Variants in PCDH8 observed in about 807,000 individuals in gnomAD.
The protein encoded by PCDH8 is protocadherin-8.
PCDH8 carries 36 observed loss-of-function variants against 58.2 expected under a neutral mutation model. That is an observed-to-expected ratio of 0.62 (90% CI 0.47 to 0.82). The LOEUF (loss-of-function observed/expected upper bound fraction) is 0.82. PCDH8 is among the 40% of genes least tolerant of loss of function. PCDH8 has a pLI of 0.00. For missense variants in PCDH8, 1,493 were observed against 1,567.8 expected (o/e 0.95, Z 0.81); for synonymous variants, 775 against 728.9 (o/e 1.06, Z -1.02).
At position 52,848,287 on chromosome 13, in the gene PCDH8, G is replaced by C. The variant is rs746381982; in HGVS notation, c.150C>G (p.Ala50=). The change falls in exon 1 of 3, where the codon GCC becomes GCG. Residue 50 remains alanine (A), a synonymous_variant. Coordinates refer to ENST00000377942, the MANE Select transcript of PCDH8 (RefSeq NM_002590.4). ...DAPGTVIGTL[A]EDLHMKVSGD... ...CCGATACTTTCATATGCAGGTCCTC[G>C]GCCAGGGTCCCGATGACCGTGCCGG... 14 of 1,613,610 alleles carry C rather than the reference G, an allele frequency of 8.7e-6. No homozygotes were observed. Among genetic ancestry groups the C allele is most frequent in the Non-Finnish European group, 1.2e-5 (14 of 1,180,028 alleles).
At position 52,844,495 on chromosome 13, in the gene PCDH8, ACCG is replaced by A; in HGVS notation, c.*62_*64del. 3 of 1,390,956 alleles carry A rather than the reference ACCG, an allele frequency of 2.2e-6. No individual in the cohort carries two copies. The highest frequency in any genetic ancestry group is 2.9e-6 in the Non-Finnish European group (3 of 1,027,722). The allele number at this position is 1,390,956 out of a possible 1,614,324, so 86.2% of individuals were successfully genotyped here. On this transcript the variant is annotated 3_prime_UTR_variant, in exon 3 of 3. Transcript: ENST00000377942. ...GCATATTTATATATACAACACTGAA[ACCG>A]GTCAATAACTTAGGGGCTTCTCGGA...
rs994615187 is a variant in PCDH8, at chr13:52,844,970, A to T, written c.2840-37T>A. 2.6e-6 allele frequency: 4 copies of T among 1,510,672 alleles called. No homozygotes were observed. The Admixed American group carries it at 9.3e-5, about 35-fold the overall frequency. The allele number at this position is 1,510,672 out of a possible 1,614,324, so 93.6% of individuals were successfully genotyped here. A position where few individuals can be genotyped will look rare whatever the true frequency, so the allele number is the denominator to read the frequency against. On this transcript the variant is annotated intron_variant, in intron 2 of 2. Coordinates refer to ENST00000377942, the MANE Select transcript of PCDH8 (RefSeq NM_002590.4). ...GGGAAAAGGAAACAGCATGACGATT[A>T]TTCCTGAGATTATACATATTCAGGC...
chr13:52,846,078 G>A lies in PCDH8; in HGVS notation c.2359C>T (p.Leu787Phe). 1.3e-6 allele frequency: 2 copies of A among 1,561,634 alleles called. No individual in the cohort carries two copies. The highest frequency in any genetic ancestry group is 1.7e-6 in the Non-Finnish European group (2 of 1,163,972). ...GCCGCCCCGGGCCGCTCTTCCCGGAGGGCCCCCCCTTTGCGCACCTCCTTC... is the reference window on the plus strand; with the variant it reads ...GCCGCCCCGGGCCGCTCTTCCCGGAAGGCCCCCCCTTTGCGCACCTCCTTC... ...RKKEVRKGGA[L>F]REERPGAAGG... The change falls in exon 1 of 3, where the codon CTC becomes TTC. Residue 787 changes from leucine to phenylalanine, a missense_variant. By Grantham distance (22) the Leu-to-Phe change is conservative (BLOSUM62 0). Around this residue, in one of 3 missense-constraint regions of PCDH8, gnomAD observed 1,307 missense variants for 1,362.7 expected, o/e 0.96. Transcript: ENST00000377942.
In PCDH8 at chr13:52,846,975, C is replaced by T. The variant is rs780970637; in HGVS notation, c.1462G>A (p.Gly488Ser). The change falls in exon 1 of 3, where the codon GGC (glycine) becomes AGC (serine). Residue 488 changes from glycine to serine, a missense_variant. Gly to Ser is a moderately conservative substitution (Grantham distance 56, BLOSUM62 0). This residue lies in a region of PCDH8 where 1,307 missense variants were observed against 1,362.7 expected (regional missense o/e 0.96). Transcript: ENST00000377942. ...AGCGGCGCGTTGTCGTTCTCGTCGCCCACACGCACCGTGTAGGGCCGCACT... is the reference window on the plus strand; with the variant it reads ...AGCGGCGCGTTGTCGTTCTCGTCGCTCACACGCACCGTGTAGGGCCGCACT... ...RTVRPYTVRV[G>S]DENDNAPLFT... 2 of 1,594,322 alleles carry T rather than the reference C, an allele frequency of 1.3e-6. No homozygotes were observed. Among genetic ancestry groups the T allele is most frequent in the South Asian group, 2.2e-5 (2 of 88,968 alleles).
chr13:52,844,890 A>T lies in PCDH8; in HGVS notation c.2883T>A (p.Ser961=). The change falls in exon 3 of 3, where the codon TCT becomes TCA. Residue 961 remains serine (S), a synonymous_variant. Transcript: ENST00000377942. ...CTAECKILGH[S]DRCWSPSCSG... is the part of the protein sequence containing the mutation. ...TGCAGGATGGGCTCCAGCAGCGGTC[A>T]GAGTGGCCCAGGATCTTACACTCAG... is the stretch of plus-strand genomic sequence containing the variant. 3 of 1,570,030 alleles carry T rather than the reference A, an allele frequency of 1.9e-6. No homozygotes were observed. Among genetic ancestry groups the T allele is most frequent in the Non-Finnish European group, 1.7e-6 (2 of 1,156,450 alleles).
At position 52,846,468 on chromosome 13, in the gene PCDH8, C is replaced by CCTG; in HGVS notation, c.1966_1968dup (p.Gln656dup). 1 of 1,598,784 alleles carries CCTG rather than the reference C, an allele frequency of 6.3e-7. No individual in the cohort carries two copies. The highest frequency in any genetic ancestry group is 1.3e-5 in the African/African-American group (1 of 75,022). On this transcript the variant is annotated inframe_insertion, in exon 1 of 3. Transcript: ENST00000377942. ...CCGATGGCGAAGGCTTCGCGCGGCT[C>CCTG]CTGCTGCTGCAGCTCGAACGCCAGC...
At position 52,846,399 on chromosome 13, in the gene PCDH8, C is replaced by G; in HGVS notation, c.2038G>C (p.Glu680Gln). Residue 680 changes from glutamate (E) to glutamine (Q), a missense_variant, in exon 1 of 3, where the codon GAG (glutamate) becomes CAG (glutamine). Glu to Gln is a conservative substitution (Grantham distance 29, BLOSUM62 2). This residue lies in a region of PCDH8 where 1,307 missense variants were observed against 1,362.7 expected (regional missense o/e 0.96). Coordinates refer to ENST00000377942, the MANE Select transcript of PCDH8 (RefSeq NM_002590.4). ...EILLTGDLSQ[E>Q]PPGRVFRALL... ...GCCCTGAACACGCGACCGGGTGGCT[C>G]CTGCGAGAGGTCGCCGGTGAGCAGT... 2 of 1,594,764 alleles carry G rather than the reference C, an allele frequency of 1.3e-6. No individual in the cohort carries two copies. The highest frequency in any genetic ancestry group is 1.7e-6 in the Non-Finnish European group (2 of 1,174,084).
chr13:52,845,434 T>C lies in PCDH8; in HGVS notation c.2830A>G (p.Met944Val). Reference protein sequence around the residue: ...DALKKDLINHMQSGLWACTAE... With the variant: ...DALKKDLINHVQSGLWACTAE... ...AAAGAAGAGTCCTCACCACTCTGCA[T>C]GTGGTTGATGAGATCCTTTTTCAGA... Residue 944 changes from methionine (M) to valine (V), a missense_variant, in exon 2 of 3, where the codon ATG becomes GTG. Around this residue, in one of 3 missense-constraint regions of PCDH8, gnomAD observed 182 missense variants for 178.9 expected, o/e 1.02. Coordinates refer to ENST00000377942, the MANE Select transcript of PCDH8 (RefSeq NM_002590.4). 6.2e-7 allele frequency: 1 copy of C among 1,613,634 alleles called. No homozygotes were observed. The highest frequency in any genetic ancestry group is 1.1e-5 in the South Asian group (1 of 91,070).
Position 52,846,706 on chromosome 13 carries a change from A to T in PCDH8, c.1731T>A (p.Val577=). Residue 577 remains valine, a synonymous_variant, in exon 1 of 3, where the codon GTT becomes GTA. Coordinates refer to ENST00000377942, the MANE Select transcript of PCDH8 (RefSeq NM_002590.4). ...AGCCGCCGTCGCTAGCTTGGATGCG[A>T]ACGTCGAGTTGGCGCAGCGTCTCAT... The part of the protein sequence containing the change: ...FDYETLRQLD[V]RIQASDGGSP... The T allele has an allele frequency of 6.3e-7, 1 of 1,598,212 alleles. No individual in the cohort carries two copies. Among genetic ancestry groups the T allele is most frequent in the Admixed American group, 1.7e-5 (1 of 59,178 alleles).
In PCDH8 at chr13:52,847,855, G is replaced by T. The variant is rs1965768761; in HGVS notation, c.582C>A (p.Cys194Ter). ...GCTCCTGCAGCAGCACCAGGTCTGC[G>T]CACTGAGCGCCGTCCGCTCGCGTCT... ...ELQTRADGAQ[C>*]ADLVLLQELD... Residue 194 changes from cysteine to a stop codon, truncating the protein, a stop_gained, in exon 1 of 3, where the codon TGC becomes TGA. Coordinates refer to ENST00000377942, the MANE Select transcript of PCDH8 (RefSeq NM_002590.4). LOFTEE classifies it high-confidence loss of function. The T allele has an allele frequency of 6.6e-7, 1 of 1,509,698 alleles. No individual in the cohort carries two copies. Among genetic ancestry groups the T allele is most frequent in the Non-Finnish European group, 8.8e-7 (1 of 1,133,958 alleles). 93.5% of individuals were successfully genotyped at this position (1,509,698 alleles called of 1,614,324 possible). A position where few individuals can be genotyped will look rare whatever the true frequency, so the allele number is the denominator to read the frequency against.
At chr13:52,845,763 C>G (rs971498362) in intron 1 of PCDH8, 43 bp downstream of exon 1, 1 of 1,500,348 alleles carries the variant, frequency 6.7e-7, no homozygotes, top group South Asian at 1.3e-5. Context: ...CCAGCCTGTC[C>G]GCGGAGCTCG....
chr13:52,846,556 G>A lies in PCDH8; in HGVS notation c.1881C>T (p.Thr627=), dbSNP rs1390257559. 6.2e-7 allele frequency: 1 copy of A among 1,602,284 alleles called. No homozygotes were observed. The highest frequency in any genetic ancestry group is 1.7e-5 in the Admixed American group (1 of 59,824). The change falls in exon 1 of 3, where the codon ACC becomes ACT. Residue 627 remains threonine (T), a synonymous_variant. Coordinates refer to ENST00000377942, the MANE Select transcript of PCDH8 (RefSeq NM_002590.4). The part of the protein sequence containing the change: ...GSLEVAVPGR[T]AKDTVVARVQ... ...CACGGGCCACAACCGTGTCCTTTGC[G>A]GTGCGCCCAGGCACCGCCACTTCTA...
At position 52,844,056 on chromosome 13, in the gene PCDH8, T is replaced by C. The variant is rs577438570; in HGVS notation, c.*504A>G. 10 of 152,786 alleles carry C rather than the reference T, an allele frequency of 6.5e-5. No individual in the cohort carries two copies. Among genetic ancestry groups the C allele is most frequent in the African/African-American group, 1.7e-4 (7 of 41,590 alleles). The allele number at this position is 152,786 out of a possible 1,614,324, so 9.5% of individuals were successfully genotyped here. The stretch of plus-strand genomic sequence containing the variant: ...GAAAACCAAATGTAATTAAATAACA[T>C]TGAACTTGAAATCTACCACAGAGTC... On this transcript the variant is annotated 3_prime_UTR_variant, in exon 3 of 3. Transcript: ENST00000377942.
In PCDH8 at chr13:52,848,015, G is replaced by T. The variant is rs866733795; in HGVS notation, c.422C>A (p.Pro141Gln). The change falls in exon 1 of 3, where the codon CCG becomes CAG. Residue 141 changes from proline (P) to glutamine (Q), a missense_variant. Physicochemically the swap from Pro to Gln is moderately conservative, Grantham distance 76 (BLOSUM62 -1). Coordinates refer to ENST00000377942, the MANE Select transcript of PCDH8 (RefSeq NM_002590.4). ...HAPRFPRAQI[P>Q]VEVSEGAAVG... ...TGCCGCACCCTCGGACACCTCTACC[G>T]GGATCTGGGCCCTGGGGAAGCGCGG... 4.3e-6 allele frequency: 7 copies of T among 1,610,624 alleles called. No individual in the cohort carries two copies. The highest frequency in any genetic ancestry group is 5.9e-6 in the Non-Finnish European group (7 of 1,178,020).
In PCDH8 at chr13:52,847,263, T is replaced by A. The variant is rs1965755500; in HGVS notation, c.1174A>T (p.Thr392Ser). ...AGCGAAGTGGCACCAGCCTCCGGCG[T>A]CCCGGCTCCCGCCGGCGAGCTAGCG... ...ADASSPAGAGTPEAGATSLVP... is the reference protein window; with the variant it reads ...ADASSPAGAGSPEAGATSLVP... The change falls in exon 1 of 3, where the codon ACG (threonine) becomes TCG (serine). Residue 392 changes from threonine (T) to serine (S), a missense_variant. Around this residue, in one of 3 missense-constraint regions of PCDH8, gnomAD observed 1,307 missense variants for 1,362.7 expected, o/e 0.96. Coordinates refer to ENST00000377942, the MANE Select transcript of PCDH8 (RefSeq NM_002590.4). 4.4e-6 allele frequency: 6 copies of A among 1,374,184 alleles called. No homozygotes were observed. The South Asian group carries it at 1.0e-4, about 24-fold the overall frequency. The allele number at this position is 1,374,184 out of a possible 1,614,324, so 85.1% of individuals were successfully genotyped here.
Position 52,844,631 on chromosome 13 carries a change from C to A in PCDH8, c.3142G>T (p.Gly1048Ter), listed in dbSNP as rs1004330925. ...PGRLPDLQEI[G>*]VPLYQSPPGR... Reference sequence around the variant, plus strand: ...GGAGGGGACTGGTAGAGGGGTACTCCAATCTCCTGCAGGTCTGGGAGCCTC... The same window carrying A: ...GGAGGGGACTGGTAGAGGGGTACTCAAATCTCCTGCAGGTCTGGGAGCCTC... The change falls in exon 3 of 3, where the codon GGA (glycine) becomes TGA (stop). Residue 1048 changes from glycine (G) to a stop codon, truncating the protein, a stop_gained. Coordinates refer to ENST00000377942, the MANE Select transcript of PCDH8 (RefSeq NM_002590.4). LOFTEE classifies it high-confidence loss of function. 62 of 1,613,548 alleles carry A rather than the reference C, an allele frequency of 3.8e-5. No homozygotes were observed. The highest frequency in any genetic ancestry group is 5.3e-5 in the Non-Finnish European group (62 of 1,179,710).
At position 52,847,040 on chromosome 13, in the gene PCDH8, G is replaced by C. The variant is rs1256899768; in HGVS notation, c.1397C>G (p.Thr466Arg). 5 of 1,567,566 alleles carry C rather than the reference G, an allele frequency of 3.2e-6. No individual in the cohort carries two copies. Among genetic ancestry groups the C allele is most frequent in the Non-Finnish European group, 4.3e-6 (5 of 1,158,770 alleles). ...CGCGCCGCGATCCTCGGCCACCAGC[G>C]TCAAGTTGTACTCGGCGATGCGTTC... ...DRERIAEYNL[T>R]LVAEDRGAPP... Residue 466 changes from threonine (T) to arginine (R), a missense_variant, in exon 1 of 3, where the codon ACG becomes AGG. Physicochemically the swap from Thr to Arg is moderately conservative, Grantham distance 71. Transcript: ENST00000377942.
rs745479334 is a variant in PCDH8, at chr13:52,846,756, T to C, written c.1681A>G (p.Ile561Val). The C allele has an allele frequency of 6.3e-7, 1 of 1,583,136 alleles. No homozygotes were observed. Among genetic ancestry groups the C allele is most frequent in the South Asian group, 1.1e-5 (1 of 88,140 alleles). Reference protein sequence around the residue: ...YVSVDPATGAIYALRSFDYET... With the variant: ...YVSVDPATGAVYALRSFDYET... The stretch of plus-strand genomic sequence containing the variant: ...TAGTCGAAGCTGCGCAGCGCGTAGA[T>C]GGCTCCGGTAGCTGGGTCCACCGAG... Residue 561 changes from isoleucine (I) to valine (V), a missense_variant, in exon 1 of 3, where the codon ATC becomes GTC. Transcript: ENST00000377942.
In PCDH8 at chr13:52,848,421, G is replaced by A; in HGVS notation, c.16C>T (p.Arg6Cys). 1 of 1,603,932 alleles carries A rather than the reference G, an allele frequency of 6.2e-7. No homozygotes were observed. The highest frequency in any genetic ancestry group is 8.5e-7 in the Non-Finnish European group (1 of 1,177,410). Residue 6 changes from arginine (R) to cysteine (C), a missense_variant, in exon 1 of 3, where the codon CGT (arginine) becomes TGT (cysteine). Arg to Cys is a radical substitution (Grantham distance 180). This residue lies in a region of PCDH8 where 1,307 missense variants were observed against 1,362.7 expected (regional missense o/e 0.96). Coordinates refer to ENST00000377942, the MANE Select transcript of PCDH8 (RefSeq NM_002590.4). ...GGGAAAAGGCAGGGGCTGCCCCAAC[G>A]CCTCACAGGACTCATGCCTCCAGCC... is the stretch of plus-strand genomic sequence containing the variant. The part of the protein sequence containing the change: MSPVR[R>C]WGSPCLFPLQ...
Sources: allele counts gnomAD v4.1 joint callset, GRCh38; gene constraint gnomAD v4.1.1; regional missense constraint gnomAD v4.1.1; transcripts MANE v1.5; gene names NCBI Gene and HGNC (gene_info 2026-07-23, HGNC 2026-07-21).